The following DYTN variants were observed in gnomAD, a reference collection of about 807,000 sequenced individuals.
DYTN encodes the protein dystrotelin.
In DYTN, 75 loss-of-function variants were observed where a neutral mutation model predicts 69.6. The ratio of observed to expected loss-of-function variants is 1.08; its 90% CI spans 0.89 to 1.31. DYTN has a LOEUF of 1.31. DYTN is among the 50% of genes most tolerant of loss of function. The pLI, the probability that DYTN is intolerant of heterozygous loss-of-function variation, is 0.00. For missense variants in DYTN, 726 were observed against 688.4 expected, an observed-to-expected ratio of 1.05 and a Z score of -0.61; for synonymous variants, 252 against 249.1, an observed-to-expected ratio of 1.01 and a Z score of -0.11.
intron 11 of DYTN, among the ~76,000 whole-genome samples, chr2:206,656,494 TA>T (rs1187248584): frequency 1.3e-5 from 2 of 152,180 alleles, no homozygotes; most frequent in Non-Finnish European, 2.9e-5. Context: ...TAATTATTGA[TA>T]GGGGAGGACA....
chr2:206,678,910 A>G (rs971042966), intron 9 of DYTN: 1 of 152,224 alleles, frequency 6.6e-6, no homozygotes, highest in Non-Finnish European at 1.5e-5. Flanking sequence ...TCATATGAAC[A>G]TCTTAAAAAG....
At chr2:206,685,091 G>T (rs1331517800) in intron 9 of DYTN, among the ~76,000 whole-genome samples, 1 of 152,148 alleles carries the variant, frequency 6.6e-6, no homozygotes, top group Non-Finnish European at 1.5e-5. Context: ...GCCCAGGCCT[G>T]CACAGAAGGG....
At chr2:206,712,002 A>C (rs1417154696) in intron 1 of DYTN, among the ~76,000 whole-genome samples, 2 of 152,162 alleles carry the variant, frequency 1.3e-5, no homozygotes, top group African/African-American at 4.8e-5. Flanking sequence ...ATTATCTTTA[A>C]TGTTATTCAA....
At chr2:206,709,930 G>C (rs1199690365) in intron 2 of DYTN, among the ~76,000 whole-genome samples, 1 of 152,016 alleles carries the variant, frequency 6.6e-6, no homozygotes, top group Non-Finnish European at 1.5e-5. Context: ...ATTTTGCCTA[G>C]ATAACAGTAG....
chr2:206,663,411 T>C lies in DYTN; in HGVS notation c.1141-16A>G. ...GCAACCTTGCCTGGGGAAACAAAAC[T>C]TTATTTATGAAGAAATTAATGTTTA... On this transcript the variant is annotated splice_polypyrimidine_tract_variant and intron_variant, in intron 10 of 11. Coordinates refer to ENST00000452335, the MANE Select transcript of DYTN (RefSeq NM_001093730.1). 6.5e-7 allele frequency: 1 copy of C among 1,549,896 alleles called. No homozygotes were observed. Among genetic ancestry groups the C allele is most frequent in the South Asian group, 1.2e-5 (1 of 80,612 alleles).
At chr2:206,656,916 C>A (rs1199736015) in intron 11 of DYTN, among the ~76,000 whole-genome samples, 1 of 152,024 alleles carries the variant, frequency 6.6e-6, no homozygotes. Flanking sequence ...GTGCATGCCA[C>A]CACGTCCGGC....
rs114411963 is a variant in DYTN at position 206,667,090 on chromosome 2, T to C, written c.981-1061A>G. ...AGTCAAGGTAATCAGGGCAATTCTT[T>C]AAAACAAAAGTCAAGCTATGTTGCT... On this transcript the variant is annotated intron_variant, in intron 9 of 11. Transcript: ENST00000452335. Among the ~76,000 whole-genome samples, 1,156 of 152,206 alleles carry C rather than the reference T, an allele frequency of 7.6e-3. 12 individuals carry two copies. The highest frequency in any genetic ancestry group is 0.026 in the African/African-American group (1,097 of 41,522).
At chr2:206,690,622 T>C (rs1240320331) in intron 9 of DYTN, among the ~76,000 whole-genome samples, 1 of 152,134 alleles carries the variant, frequency 6.6e-6, no homozygotes, top group Non-Finnish European at 1.5e-5. Flanking sequence ...CAAATCTATT[T>C]TGAAGGTACA....
intron 9 of DYTN, among the ~76,000 whole-genome samples, chr2:206,679,650 A>G (rs1699728912): frequency 6.6e-6 from 1 of 152,252 alleles, no homozygotes; most frequent in African/African-American, 2.4e-5. Context: ...ATATAAAACA[A>G]AAAAGCAGAG....
chr2:206,697,499 A>G (rs538801614), intron 7 of DYTN, among the ~76,000 whole-genome samples: 1 of 152,352 alleles, frequency 6.6e-6, no homozygotes, highest in South Asian at 2.1e-4. Context: ...CCAAAAAACC[A>G]AAGCTACTGG....
At chr2:206,679,452 C>T (rs1485191341) in intron 9 of DYTN, among the ~76,000 whole-genome samples, 1 of 152,136 alleles carries the variant, frequency 6.6e-6, no homozygotes, top group African/African-American at 2.4e-5. Flanking sequence ...AGAAAATCCC[C>T]CAGGTCATCT....
At position 206,700,138 on chromosome 2, in the gene DYTN, C is replaced by T. The variant is rs1176848965; in HGVS notation, c.555+7G>A. 2 of 1,613,904 alleles carry T rather than the reference C, an allele frequency of 1.2e-6. No individual in the cohort carries two copies. Among genetic ancestry groups the T allele is most frequent in the Non-Finnish European group, 1.7e-6 (2 of 1,179,812 alleles). ...CCCAACTCCAGGGACATTTGCAAGGCACTCACCCCTTGGAAACAGCTGCGG... is the reference window on the plus strand; with the variant it reads ...CCCAACTCCAGGGACATTTGCAAGGTACTCACCCCTTGGAAACAGCTGCGG... On this transcript the variant is annotated splice_region_variant and intron_variant, in intron 6 of 11. Coordinates refer to ENST00000452335, the MANE Select transcript of DYTN (RefSeq NM_001093730.1).
chr2:206,654,780 C>A (rs1458949735), intron 11 of DYTN, among the ~76,000 whole-genome samples: 1 of 152,084 alleles, frequency 6.6e-6, no homozygotes, highest in African/African-American at 2.4e-5. Context: ...TTAGAATTTG[C>A]TAAATTTGAA....
intron 9 of DYTN, among the ~76,000 whole-genome samples, chr2:206,680,441 C>A (rs912142979): frequency 6.6e-6 from 1 of 152,160 alleles, no homozygotes; most frequent in Non-Finnish European, 1.5e-5. Context: ...CAGATATTTA[C>A]AAACATCAAT....
intron 11 of DYTN, among the ~76,000 whole-genome samples, chr2:206,659,265 G>A (rs1699481312): frequency 6.7e-6 from 1 of 148,862 alleles, no homozygotes; most frequent in East Asian, 2.0e-4. Flanking sequence ...TCCGCCTCCT[G>A]GGTTCAAGCC....
At chr2:206,714,144 C>T (rs913501546) in intron 1 of DYTN, among the ~76,000 whole-genome samples, 2 of 152,194 alleles carry the variant, frequency 1.3e-5, no homozygotes, top group African/African-American at 4.8e-5. Flanking sequence ...TAAGTCTAAG[C>T]TATTTTCACT....
In DYTN at chr2:206,663,145, C is replaced by G; in HGVS notation, c.1391G>C (p.Arg464Thr). 1 of 1,613,864 alleles carries G rather than the reference C, an allele frequency of 6.2e-7. No individual in the cohort carries two copies. Among genetic ancestry groups the G allele is most frequent in the Non-Finnish European group, 8.5e-7 (1 of 1,179,874 alleles). Reference sequence around the variant, plus strand: ...CATCTTTTGTGTTTGGCTTTGTGCCCTGGTGCTGTGCAAAGTGGTCTCTGG... The same window carrying G: ...CATCTTTTGTGTTTGGCTTTGTGCCGTGGTGCTGTGCAAAGTGGTCTCTGG... Reference protein sequence around the residue: ...ESPETTLHSTRAQSQTQKMPQ... With the variant: ...ESPETTLHSTTAQSQTQKMPQ... The change falls in exon 11 of 12, where the codon AGG (arginine) becomes ACG (threonine). Residue 464 changes from arginine to threonine, a missense_variant. Arg to Thr is a moderately conservative substitution (Grantham distance 71). Coordinates refer to ENST00000452335, the MANE Select transcript of DYTN (RefSeq NM_001093730.1).
At chr2:206,678,647 T>C (rs1207300228) in intron 9 of DYTN, among the ~76,000 whole-genome samples, 2 of 152,180 alleles carry the variant, frequency 1.3e-5, no homozygotes, top group Non-Finnish European at 2.9e-5. Context: ...CAATGGAAAA[T>C]GCTCTTAATC....
chr2:206,656,071 A>G (rs1229005702), intron 11 of DYTN, among the ~76,000 whole-genome samples: 1 of 152,108 alleles, frequency 6.6e-6, no homozygotes, highest in East Asian at 1.9e-4. Flanking sequence ...CATTATTGAA[A>G]GTGGTTTATT....
Sources: gnomAD v4.1 joint callset for allele counts (sites outside exome capture counted in the v4.1 genomes callset) on GRCh38, gnomAD v4.1.1 for gene constraint, MANE v1.5 for transcripts, NCBI Gene and HGNC (gene_info 2026-07-23, HGNC 2026-07-21) for gene names.